PLB1: variants seen among roughly 807,000 people sequenced by gnomAD.
The protein encoded by PLB1 is phospholipase B1, membrane-associated.
Under a neutral mutation model 227.4 loss-of-function variants are expected in PLB1, and 242 were observed. That is an observed-to-expected ratio of 1.06 (90% CI 0.96 to 1.18). PLB1 has a LOEUF of 1.18. Ranked by LOEUF, PLB1 falls within the 50% of genes most tolerant of loss-of-function variation. The pLI is 0.00. For synonymous variants in PLB1, 757 were observed against 682.2 expected, an observed-to-expected ratio of 1.11 and a Z score of -1.71; for missense variants, 1,858 against 1,816.3, an observed-to-expected ratio of 1.02 and a Z score of -0.42.
intron 14 of PLB1, among the ~76,000 whole-genome samples, chr2:28,547,858 A>C (rs1673539606): frequency 6.6e-6 from 1 of 152,150 alleles, no homozygotes; most frequent in Admixed American, 6.5e-5. Context: ...CAACTTTTAA[A>C]AAAAATCCCT....
chr2:28,576,185 A>G (rs911936489), intron 21 of PLB1, among the ~76,000 whole-genome samples: 1 of 152,180 alleles, frequency 6.6e-6, no homozygotes, highest in Admixed American at 6.6e-5. Flanking sequence ...GTTGGGGGTT[A>G]TTATTCCCGT....
intron 35 of PLB1, among the ~76,000 whole-genome samples, chr2:28,599,052 C>G (rs1683447824): frequency 1.3e-5 from 2 of 152,238 alleles, no homozygotes; most frequent in Admixed American, 1.3e-4. Context: ...TTACAACTCA[C>G]CAAGGCACAA....
intron 22 of PLB1, 88 bp from the exon 23 acceptor site, chr2:28,579,539 C>T: frequency 6.0e-6 from 6 of 1,005,552 alleles, no homozygotes; most frequent in South Asian, 5.2e-5. Flanking sequence ...GTGTGAGGAC[C>T]CATCTTTTCT....
At chr2:28,538,083 G>A (rs893351988) in intron 9 of PLB1, among the ~76,000 whole-genome samples, 1 of 152,216 alleles carries the variant, frequency 6.6e-6, no homozygotes, top group African/African-American at 2.4e-5. Context: ...CTTTTCACCT[G>A]TGGGGAGTTT....
intron 14 of PLB1, among the ~76,000 whole-genome samples, chr2:28,546,583 A>C (rs1453280340): frequency 6.6e-6 from 1 of 152,180 alleles, no homozygotes; most frequent in Non-Finnish European, 1.5e-5. Context: ...ACAGTGTGGC[A>C]GGAGAAAGAG....
At chr2:28,509,626 G>GT (rs937664396) in intron 1 of PLB1, among the ~76,000 whole-genome samples, 17 of 152,078 alleles carry the variant, frequency 1.1e-4, no homozygotes, top group South Asian at 4.2e-4. Flanking sequence ...ATACACAAGT[G>GT]TTTTTTTTCT....
intron 1 of PLB1, among the ~76,000 whole-genome samples, chr2:28,508,194 A>G (rs570669760): frequency 3.3e-5 from 5 of 152,326 alleles, no homozygotes; most frequent in African/African-American, 1.2e-4. Context: ...AGTTCTACAC[A>G]TGGCTCTGTT....
rs1391262421 is a variant in PLB1 at position 28,598,604 on chromosome 2, T to C, written c.2366-48T>C. 23 of 1,460,062 alleles carry C rather than the reference T, an allele frequency of 1.6e-5. No homozygotes were observed. In the East Asian group the frequency reaches 4.8e-4, roughly 30 times the overall value. The allele number at this position is 1,460,062 out of a possible 1,614,324, so 90.4% of individuals were successfully genotyped here. A position where few individuals can be genotyped will look rare whatever the true frequency, so the allele number is the denominator to read the frequency against. ...TCCCACAGTACCAGAGAAGCTATTCTGGCTTTCTGTTCTGAGCCGTCTGCA... is the reference window on the plus strand; with the variant it reads ...TCCCACAGTACCAGAGAAGCTATTCCGGCTTTCTGTTCTGAGCCGTCTGCA... On this transcript the variant is annotated intron_variant, in intron 34 of 57. Transcript: ENST00000327757.
chr2:28,599,030 C>A (rs1158550874), intron 35 of PLB1, among the ~76,000 whole-genome samples: 1 of 152,224 alleles, frequency 6.6e-6, no homozygotes, highest in Admixed American at 6.5e-5. Context: ...ATCGACTAAC[C>A]TTATCCAATG....
chr2:28,624,040 G>T (rs963756906), intron 49 of PLB1, among the ~76,000 whole-genome samples: 2 of 152,196 alleles, frequency 1.3e-5, no homozygotes, highest in Non-Finnish European at 2.9e-5. Flanking sequence ...TGAGGCTGCA[G>T]TGAGCCGTGA....
intron 56 of PLB1, among the ~76,000 whole-genome samples, chr2:28,636,059 GTA>G (rs1399580126): frequency 1.1e-4 from 17 of 151,804 alleles, no homozygotes; most frequent in Admixed American, 8.5e-4. Flanking sequence ...GTGTATGTGT[GTA>G]TGTATGTATG....
At chr2:28,604,200 C>T (rs1010805169) in intron 40 of PLB1, among the ~76,000 whole-genome samples, 153 bp downstream of exon 40, 3 of 152,192 alleles carry the variant, frequency 2.0e-5, no homozygotes, top group Admixed American at 6.5e-5. Context: ...CTCTGTCTCA[C>T]GTGACTGTGG....
At chr2:28,532,872 T>C (rs1390395651) in intron 9 of PLB1, among the ~76,000 whole-genome samples, 1 of 152,206 alleles carries the variant, frequency 6.6e-6, no homozygotes, top group Non-Finnish European at 1.5e-5. Flanking sequence ...CGTTTATTAT[T>C]TATGTAGGTG....
At chr2:28,543,640 C>T (rs1672818123) in intron 14 of PLB1, among the ~76,000 whole-genome samples, 1 of 152,176 alleles carries the variant, frequency 6.6e-6, no homozygotes, top group Non-Finnish European at 1.5e-5. Flanking sequence ...CGGTGTTGTG[C>T]GGTTGTCAAG....
intron 54 of PLB1, among the ~76,000 whole-genome samples, chr2:28,631,278 C>T (rs184329870): frequency 6.6e-6 from 1 of 152,298 alleles, no homozygotes; most frequent in Non-Finnish European, 1.5e-5. Context: ...ATGTCTCTGC[C>T]TCTATTGTTC....
intron 21 of PLB1, among the ~76,000 whole-genome samples, chr2:28,576,724 A>T (rs1040828423): frequency 1.3e-5 from 2 of 152,192 alleles, no homozygotes; most frequent in Non-Finnish European, 2.9e-5. Flanking sequence ...CACGAGACTC[A>T]GTCTCAAAAA....
At chr2:28,564,709 AC>A (rs1247476734) in intron 18 of PLB1, among the ~76,000 whole-genome samples, 1 of 152,028 alleles carries the variant, frequency 6.6e-6, no homozygotes, top group African/African-American at 2.4e-5. Context: ...GCCAGCCTTC[AC>A]CCCCAACTGC....
At chr2:28,500,364 G>A (rs896190204) in intron 1 of PLB1, among the ~76,000 whole-genome samples, 3 of 152,192 alleles carry the variant, frequency 2.0e-5, no homozygotes, top group Non-Finnish European at 4.4e-5. Flanking sequence ...GTGGCTGCCT[G>A]ACTTTTTTCC....
At chr2:28,538,598 G>A (rs980318647) in intron 10 of PLB1, among the ~76,000 whole-genome samples, 45 of 152,246 alleles carry the variant, frequency 3.0e-4, no homozygotes, top group African/African-American at 6.0e-4. Flanking sequence ...AGAGAAACTC[G>A]GCTCTTCCTT....
Sources: allele counts gnomAD v4.1 joint callset (sites outside exome capture counted in the v4.1 genomes callset), GRCh38; gene constraint gnomAD v4.1.1; transcripts MANE v1.5; gene names NCBI Gene and HGNC (gene_info 2026-07-23, HGNC 2026-07-21).